TMEFF2: variants seen among roughly 807,000 people sequenced by gnomAD.
TMEFF2 encodes transmembrane protein with EGF like and two follistatin like domains 2, also known as tomoregulin-2.
In TMEFF2, 28 loss-of-function variants were observed where a neutral mutation model predicts 53.8. That is an observed-to-expected ratio of 0.52 (90% confidence interval 0.39 to 0.71). The LOEUF (loss-of-function observed/expected upper bound fraction) is 0.71. Ranked by LOEUF, TMEFF2 falls within the 30% of genes least tolerant of loss-of-function variation. TMEFF2 has a pLI of 0.00. For synonymous variants in TMEFF2, 162 were observed against 166.3 expected, an observed-to-expected ratio of 0.97 and a Z score of 0.20; for missense variants, 353 against 455.2, an observed-to-expected ratio of 0.78 and a Z score of 2.04.
At chr2:192,065,899 T>C (rs998066447) in intron 4 of TMEFF2, among the ~76,000 whole-genome samples, 2 of 151,764 alleles carry the variant, frequency 1.3e-5, no homozygotes, top group African/African-American at 2.4e-5. Context: ...TTGCCTATTT[T>C]GCATCTTGTG....
At chr2:192,131,651 C>T (rs190695369) in intron 4 of TMEFF2, among the ~76,000 whole-genome samples, 5 of 152,172 alleles carry the variant, frequency 3.3e-5, no homozygotes, top group East Asian at 1.9e-4. Flanking sequence ...ATCCCTTCTC[C>T]GTGTCTCTAC....
chr2:192,164,666 T>G (rs933787020), intron 4 of TMEFF2, among the ~76,000 whole-genome samples: 1 of 151,006 alleles, frequency 6.6e-6, no homozygotes, highest in Non-Finnish European at 1.5e-5. Context: ...AGGTGGAGGT[T>G]GCAGTGAGCC....
chr2:192,081,800 CTTT>C (rs900552541), intron 4 of TMEFF2, among the ~76,000 whole-genome samples: 8 of 130,324 alleles, frequency 6.1e-5, no homozygotes, highest in African/African-American at 1.2e-4. Flanking sequence ...AACGATTTCC[CTTT>C]TTTTTTTTTT....
chr2:192,156,579 C>A (rs1433650993), intron 4 of TMEFF2, among the ~76,000 whole-genome samples: 1 of 151,924 alleles, frequency 6.6e-6, no homozygotes, highest in Non-Finnish European at 1.5e-5. Context: ...ACATTGGTAC[C>A]TTGTCTTTAA....
intron 7 of TMEFF2, among the ~76,000 whole-genome samples, chr2:191,977,701 G>GA (rs1341206951): frequency 6.6e-6 from 1 of 152,082 alleles, no homozygotes; most frequent in Non-Finnish European, 1.5e-5. Context: ...ATTGTAATTT[G>GA]AATTACTTAT....
intron 4 of TMEFF2, among the ~76,000 whole-genome samples, chr2:192,137,442 G>A (rs1204276082): frequency 6.6e-6 from 1 of 152,198 alleles, no homozygotes; most frequent in East Asian, 1.9e-4. Flanking sequence ...GATGGTTGAA[G>A]TAACATTACA....
chr2:192,042,194 C>T (rs1344586598), intron 5 of TMEFF2, among the ~76,000 whole-genome samples: 1 of 148,034 alleles, frequency 6.8e-6, no homozygotes, highest in Non-Finnish European at 1.5e-5. Flanking sequence ...GAGTGAGACT[C>T]TGTCTCAAAA....
At chr2:192,037,134 C>T (rs1273174828) in intron 5 of TMEFF2, 1 of 151,980 alleles carries the variant, frequency 6.6e-6, no homozygotes, top group Non-Finnish European at 1.5e-5. Flanking sequence ...TTTCCTGACT[C>T]TAATCTCTCT....
At chr2:192,120,688 A>G (rs1386589593) in intron 4 of TMEFF2, among the ~76,000 whole-genome samples, 1 of 152,190 alleles carries the variant, frequency 6.6e-6, no homozygotes, top group Non-Finnish European at 1.5e-5. Flanking sequence ...GCCTTGAGCA[A>G]AATGTAGAGA....
chr2:192,048,214 C>T (rs1035986475), intron 5 of TMEFF2, among the ~76,000 whole-genome samples: 1 of 151,834 alleles, frequency 6.6e-6, no homozygotes, highest in African/African-American at 2.4e-5. Context: ...GCTTGGGACA[C>T]AGAAATTGCA....
At chr2:192,155,627 G>A (rs1690489321) in intron 4 of TMEFF2, among the ~76,000 whole-genome samples, 1 of 151,938 alleles carries the variant, frequency 6.6e-6, no homozygotes, top group Non-Finnish European at 1.5e-5. Flanking sequence ...TTCCTGGATT[G>A]TTTTTCTCTC....
chr2:192,141,690 T>C (rs755670625), intron 4 of TMEFF2, among the ~76,000 whole-genome samples: 2 of 152,156 alleles, frequency 1.3e-5, no homozygotes, highest in South Asian at 2.1e-4. Context: ...GCCCCATCTT[T>C]AGAGGCAGGA....
At chr2:192,131,022 C>T (rs1467208186) in intron 4 of TMEFF2, among the ~76,000 whole-genome samples, 1 of 151,556 alleles carries the variant, frequency 6.6e-6, no homozygotes, top group African/African-American at 2.4e-5. Flanking sequence ...TGGTCCTTCA[C>T]CCTTAGCAGC....
At chr2:191,961,732 A>G (rs1479972498) in intron 7 of TMEFF2, among the ~76,000 whole-genome samples, 2 of 152,198 alleles carry the variant, frequency 1.3e-5, no homozygotes, top group Non-Finnish European at 2.9e-5. Flanking sequence ...CTTATCAGGT[A>G]TAAACATATG....
At chr2:192,021,860 G>A (rs1001872502) in intron 5 of TMEFF2, 2 of 152,212 alleles carry the variant, frequency 1.3e-5, no homozygotes, top group Admixed American at 6.5e-5. Context: ...CAGGAACTAA[G>A]TCCTTAGCTC....
intron 4 of TMEFF2, among the ~76,000 whole-genome samples, chr2:192,095,686 A>G (rs1356762390): frequency 1.3e-5 from 2 of 152,206 alleles, no homozygotes; most frequent in African/African-American, 4.8e-5. Context: ...TCCTCACAAT[A>G]AACTAATGGC....
At chr2:192,020,425 A>G in intron 5 of TMEFF2, among the ~76,000 whole-genome samples, 1 of 152,130 alleles carries the variant, frequency 6.6e-6, no homozygotes, top group East Asian at 1.9e-4. Context: ...TCAAGCACTT[A>G]AACATGACTG....
chr2:192,162,832 A>G (rs1245077038), intron 4 of TMEFF2, among the ~76,000 whole-genome samples: 2 of 152,218 alleles, frequency 1.3e-5, no homozygotes, highest in African/African-American at 4.8e-5. Flanking sequence ...ATGTTTACAA[A>G]TATTTGACAG....
chr2:192,171,288 T>C (rs1690906134), intron 4 of TMEFF2, among the ~76,000 whole-genome samples: 1 of 152,028 alleles, frequency 6.6e-6, no homozygotes, highest in South Asian at 2.1e-4. Flanking sequence ...ATGTCTAAAA[T>C]AGACAAGAGA....
Sources: gnomAD v4.1 joint callset for allele counts (sites outside exome capture counted in the v4.1 genomes callset) on GRCh38, gnomAD v4.1.1 for gene constraint, MANE v1.5 for transcripts, NCBI Gene and HGNC (gene_info 2026-07-23, HGNC 2026-07-21) for gene names.